The following MOBP variants were observed in gnomAD, a reference collection of about 807,000 sequenced individuals.
MOBP encodes myelin-associated oligodendrocyte basic protein.
A neutral mutation model predicts 15.0 loss-of-function variants in MOBP; 5 were observed. The observed-to-expected ratio is 0.33, with a 90% CI of 0.17 to 0.70. MOBP has a LOEUF of 0.70. MOBP is among the 30% of genes least tolerant of loss of function. The pLI is 0.67. For synonymous variants in MOBP, 88 were observed against 99.0 expected, an observed-to-expected ratio of 0.89 and a Z score of 0.66; for missense variants, 188 against 257.8, an observed-to-expected ratio of 0.73 and a Z score of 1.85.
intron 1 of MOBP, among the ~76,000 whole-genome samples, chr3:39,477,813 T>G (rs2042564584): frequency 6.6e-6 from 1 of 151,764 alleles, no homozygotes; most frequent in East Asian, 1.9e-4. Context: ...ATGTGTCTGT[T>G]TGCATCTTAG....
chr3:39,508,978 G>A (rs1364568768), intron 4 of MOBP, among the ~76,000 whole-genome samples: 6 of 151,904 alleles, frequency 3.9e-5, no homozygotes, highest in Admixed American at 2.6e-4. Context: ...CAGTATATAT[G>A]TATATAGTAT....
intron 2 of MOBP, among the ~76,000 whole-genome samples, chr3:39,498,541 G>T (rs2125651871): frequency 6.6e-6 from 1 of 152,128 alleles, no homozygotes; most frequent in South Asian, 2.1e-4. Flanking sequence ...AGTAGACACC[G>T]GGTTTCACCA....
At position 39,468,734 on chromosome 3, in the gene MOBP, A is replaced by G. The variant is rs796447630; in HGVS notation, c.-89+994A>G. Among the ~76,000 whole-genome samples, 79 of 78,898 alleles carry G rather than the reference A, an allele frequency of 1.0e-3. 7 individuals carry two copies. In the East Asian group the frequency reaches 0.022, roughly 22 times the overall value. The allele number at this position is 78,898 out of a possible 152,430, so 51.8% of individuals were successfully genotyped here. A position where few individuals can be genotyped will look rare whatever the true frequency, so the allele number is the denominator to read the frequency against. ...TGTGTGTGTATATACATATATACATATGTGTGTGTATATATACATATATAC... is the reference window on the plus strand; with the variant it reads ...TGTGTGTGTATATACATATATACATGTGTGTGTGTATATATACATATATAC... On this transcript the variant is annotated intron_variant, in intron 1 of 3. Transcript: ENST00000684792.
intron 1 of MOBP, among the ~76,000 whole-genome samples, chr3:39,469,026 A>ATATATACATATATACATGTGTGTGTG (rs1559411926): frequency 3.0e-4 from 12 of 40,592 alleles, no homozygotes; most frequent in South Asian, 2.1e-3. Flanking sequence ...ATATGTGTGT[A>ATATATACATATATACATGTGTGTGTG]TATATATACA....
At position 39,502,288 on chromosome 3, in the gene MOBP, C is replaced by T. The variant is rs770305691; in HGVS notation, c.206+13C>T. 3.1e-6 allele frequency: 5 copies of T among 1,613,676 alleles called. No individual in the cohort carries two copies. The Admixed American group carries it at 6.7e-5, about 22-fold the overall frequency. ...GCCAGAAGACCAGGTAAGCGGCCGC[C>T]CAGCCCCGCGGCACCAGTTGGGCAC... On this transcript the variant is annotated intron_variant, in intron 3 of 3. Transcript: ENST00000684792. The surrounding 1 kb of genome is among the most constrained non-coding windows in gnomAD (Gnocchi z 6.3).
At chr3:39,505,252 T>A (rs1395992902), downstream of MOBP, among the ~76,000 whole-genome samples, 1 of 152,186 alleles carries the variant, frequency 6.6e-6, no homozygotes, top group Non-Finnish European at 1.5e-5. Context: ...TGTGGGTGGT[T>A]AATTTGGAGT....
chr3:39,467,840 G>A (rs1349995846), intron 1 of MOBP, 100 bp downstream of exon 1: 1 of 152,076 alleles, frequency 6.6e-6, no homozygotes, highest in Non-Finnish European at 1.5e-5. Context: ...TATATCCCAG[G>A]GAAAACTTTC....
Position 39,474,266 on chromosome 3 carries a change from G to T in MOBP, c.-88-5774G>T, listed in dbSNP as rs531082576. On this transcript the variant is annotated intron_variant, in intron 1 of 3. Transcript: ENST00000684792. ...CAAATTACTCAAATTCCAATCACTG[G>T]CTCTTGATGGTTTATGTAAGTTACT... Among the ~76,000 whole-genome samples, 32 of 152,122 alleles carry T rather than the reference G, an allele frequency of 2.1e-4. No individual in the cohort carries two copies. In the South Asian group the frequency reaches 6.0e-3, roughly 29 times the overall value.
chr3:39,472,836 G>A (rs1014375828), intron 1 of MOBP, among the ~76,000 whole-genome samples: 2 of 152,316 alleles, frequency 1.3e-5, no homozygotes, highest in East Asian at 3.9e-4. Flanking sequence ...TGAGGCTTGA[G>A]GATCATTTAA....
At chr3:39,510,698 G>T (rs1276040884) in intron 4 of MOBP, among the ~76,000 whole-genome samples, 2 of 151,946 alleles carry the variant, frequency 1.3e-5, no homozygotes, top group Admixed American at 1.3e-4. Context: ...GATTTTTTGT[G>T]GTAGACTCTA....
At chr3:39,478,027 A>T (rs1351213263) in intron 1 of MOBP, among the ~76,000 whole-genome samples, 1 of 152,102 alleles carries the variant, frequency 6.6e-6, no homozygotes, top group Non-Finnish European at 1.5e-5. Flanking sequence ...TTTATTTTTG[A>T]AGAAAGAAAA....
intron 2 of MOBP, among the ~76,000 whole-genome samples, chr3:39,482,743 T>C (rs542483148): frequency 1.1e-4 from 16 of 152,168 alleles, no homozygotes; most frequent in Non-Finnish European, 1.3e-4. Context: ...CCTTATAGTA[T>C]TTTTTGATCT....
intron 3 of MOBP, among the ~76,000 whole-genome samples, chr3:39,522,721 A>G (rs1396850280): frequency 1.3e-5 from 2 of 152,246 alleles, no homozygotes; most frequent in Non-Finnish European, 2.9e-5. Context: ...CTTAAGATGT[A>G]CACAGTATCA....
At chr3:39,526,378 A>G (rs2043324167), downstream of MOBP, 1 of 152,234 alleles carries the variant, frequency 6.6e-6, no homozygotes, top group Non-Finnish European at 1.5e-5. Flanking sequence ...ACTATCTGAC[A>G]ATTACTTGAA....
Position 39,502,262 on chromosome 3 carries a change from TG to T in MOBP, c.194del (p.Cys65SerfsTer163), listed in dbSNP as rs1167836268. ...AGAGGAGGACTGGATCTGCTGCGCC[TG>T]CCAGAAGACCAGGTAAGCGGCCGCC... ...KKEEDWICCA[C>X]QKTRTSRRAK... On this transcript the variant is annotated frameshift_variant, in exon 3 of 4. Coordinates refer to ENST00000684792, the MANE Select transcript of MOBP (RefSeq NM_001393704.1). LOFTEE classifies it high-confidence loss of function. The surrounding 1 kb of genome is among the most constrained non-coding windows in gnomAD (Gnocchi z 6.3). The T allele has an allele frequency of 6.2e-7, 1 of 1,614,156 alleles. No homozygotes were observed. Among genetic ancestry groups the T allele is most frequent in the Non-Finnish European group, 8.5e-7 (1 of 1,180,036 alleles).
chr3:39,503,828 A>G (rs2043012851), downstream of MOBP, among the ~76,000 whole-genome samples: 1 of 152,122 alleles, frequency 6.6e-6, no homozygotes, highest in South Asian at 2.1e-4. Context: ...AGCATCTACT[A>G]TGTGTAGGTA....
intron 2 of MOBP, among the ~76,000 whole-genome samples, chr3:39,500,388 TA>T (rs1272195508): frequency 6.6e-6 from 1 of 152,146 alleles, no homozygotes; most frequent in Non-Finnish European, 1.5e-5. Flanking sequence ...ACTCTAACAT[TA>T]AAAGTTTAGT....
At chr3:39,493,824 C>G (rs2042836124) in intron 2 of MOBP, among the ~76,000 whole-genome samples, 1 of 152,078 alleles carries the variant, frequency 6.6e-6, no homozygotes, top group Non-Finnish European at 1.5e-5. Context: ...GCAATGGAGG[C>G]ATTTGCTGTG....
downstream of MOBP, chr3:39,527,923 G>C (rs1193385795): frequency 6.6e-6 from 1 of 152,194 alleles, no homozygotes; most frequent in South Asian, 2.1e-4. Flanking sequence ...TCTGCACACT[G>C]TAAAGCCGGT....
Sources: allele counts gnomAD v4.1 joint callset (sites outside exome capture counted in the v4.1 genomes callset), GRCh38; gene constraint gnomAD v4.1.1; non-coding constraint Gnocchi (gnomAD v3.1); transcripts MANE v1.5; gene names NCBI Gene and HGNC (gene_info 2026-07-23, HGNC 2026-07-21).